Variants in ZNF385B observed in about 807,000 individuals in gnomAD.
ZNF385B encodes the protein zinc finger protein 385B.
A neutral mutation model predicts 39.2 loss-of-function variants in ZNF385B; 23 were observed. That is an observed-to-expected ratio of 0.59 (90% CI 0.42 to 0.83). The LOEUF (loss-of-function observed/expected upper bound fraction) is 0.83, where lower values mean the gene tolerates loss of function less well. Ranked by LOEUF, ZNF385B falls within the 40% of genes least tolerant of loss-of-function variation. The pLI, the probability that ZNF385B is intolerant of heterozygous loss-of-function variation, is 0.00. For missense variants in ZNF385B, 552 were observed against 598.9 expected (o/e 0.92, Z 0.82); for synonymous variants, 205 against 222.6 (o/e 0.92, Z 0.70).
intron 3 of ZNF385B, among the ~76,000 whole-genome samples, chr2:179,721,671 C>T (rs1030537957): frequency 1.3e-5 from 2 of 151,148 alleles, no homozygotes; most frequent in East Asian, 1.9e-4. Context: ...TAATAAAATG[C>T]AATATTTTTT....
intron 4 of ZNF385B, among the ~76,000 whole-genome samples, chr2:179,537,714 C>G (rs1039178180): frequency 6.7e-6 from 1 of 150,176 alleles, no homozygotes; most frequent in Non-Finnish European, 1.5e-5. Flanking sequence ...GCATGCTAGC[C>G]TAGGTGACAG....
chr2:179,736,323 T>C (rs1447404700), intron 3 of ZNF385B, among the ~76,000 whole-genome samples: 1 of 152,202 alleles, frequency 6.6e-6, no homozygotes, highest in African/African-American at 2.4e-5. Flanking sequence ...TTTTTTTCTC[T>C]ATCAATTTTG....
intron 3 of ZNF385B, among the ~76,000 whole-genome samples, chr2:179,617,665 A>C (rs1689865339): frequency 6.6e-6 from 1 of 152,144 alleles, no homozygotes; most frequent in Non-Finnish European, 1.5e-5. Flanking sequence ...ACAAGTCCTC[A>C]TGTGGTACTG....
rs914502136 is a variant in ZNF385B at position 179,443,123 on chromosome 2, T to C, written c.*127A>G. On this transcript the variant is annotated 3_prime_UTR_variant, in exon 10 of 10. Coordinates refer to ENST00000410066, the MANE Select transcript of ZNF385B (RefSeq NM_152520.6). ...GTGTTTCTCTCTGGAATTGGGGGAC[T>C]GGGTGGTGGGCTGCATTTTGTGGGT... The C allele has an allele frequency of 7.1e-6, 7 of 986,888 alleles. No homozygotes were observed. Among genetic ancestry groups the C allele is most frequent in the South Asian group, 5.6e-5 (4 of 72,056 alleles). The allele number at this position is 986,888 out of a possible 1,614,324, so 61.1% of individuals were successfully genotyped here. A position where few individuals can be genotyped will look rare whatever the true frequency, so the allele number is the denominator to read the frequency against.
intron 3 of ZNF385B, among the ~76,000 whole-genome samples, chr2:179,727,748 TC>T (rs1163694935): frequency 1.2e-4 from 19 of 152,032 alleles, no homozygotes; most frequent in African/African-American, 3.6e-4. Context: ...CACACCTAAA[TC>T]CTATGTATTT....
chr2:179,558,983 GA>G (rs1363608400), intron 3 of ZNF385B, among the ~76,000 whole-genome samples: 1 of 152,090 alleles, frequency 6.6e-6, no homozygotes, highest in Admixed American at 6.5e-5. Flanking sequence ...GCTACAATGG[GA>G]AAAAATGGTG....
chr2:179,658,469 C>A (rs1393518576), intron 3 of ZNF385B, among the ~76,000 whole-genome samples: 1 of 152,188 alleles, frequency 6.6e-6, no homozygotes, highest in Admixed American at 6.5e-5. Context: ...TTTAAGAAAT[C>A]ATTTCATACA....
intron 1 of ZNF385B, among the ~76,000 whole-genome samples, chr2:179,815,955 T>G (rs1018056512): frequency 2.6e-5 from 4 of 152,044 alleles, no homozygotes; most frequent in African/African-American, 7.2e-5. Flanking sequence ...GGTGATCTCA[T>G]TCAGGCTCTT....
chr2:179,471,722 T>C (rs879313969), intron 6 of ZNF385B, among the ~76,000 whole-genome samples: 1 of 152,226 alleles, frequency 6.6e-6, no homozygotes, highest in Non-Finnish European at 1.5e-5. Context: ...ACAATTGGAT[T>C]TCAATAGAAT....
chr2:179,449,346 A>C (rs2049840273), intron 6 of ZNF385B, among the ~76,000 whole-genome samples: 1 of 152,144 alleles, frequency 6.6e-6, no homozygotes, highest in Non-Finnish European at 1.5e-5. Flanking sequence ...AAAATGAGTG[A>C]GAAGGCCATC....
At chr2:179,449,930 C>T in intron 6 of ZNF385B, among the ~76,000 whole-genome samples, 1 of 150,914 alleles carries the variant, frequency 6.6e-6, no homozygotes, top group Non-Finnish European at 1.5e-5. Context: ...CAGAACAGAG[C>T]CCTCAGAAAT....
intron 5 of ZNF385B, among the ~76,000 whole-genome samples, chr2:179,484,316 CTTGAA>C (rs1371321692): frequency 2.0e-5 from 3 of 151,264 alleles, no homozygotes; most frequent in Non-Finnish European, 4.4e-5. Flanking sequence ...AATATATTCA[CTTGAA>C]TTGAATTTTG....
At chr2:179,512,503 G>T (rs2057757498) in intron 5 of ZNF385B, among the ~76,000 whole-genome samples, 2 of 152,176 alleles carry the variant, frequency 1.3e-5, no homozygotes, top group African/African-American at 4.8e-5. Context: ...AAAATTTTCT[G>T]AAGTGTATGT....
chr2:179,459,503 C>G (rs4427986), intron 6 of ZNF385B, among the ~76,000 whole-genome samples: 18,132 of 151,784 alleles, frequency 0.12, 1,430 homozygotes, highest in East Asian at 0.33. Context: ...GTGCTATATA[C>G]TATATCAGGC....
At chr2:179,741,283 T>G (rs1034369787) in intron 3 of ZNF385B, among the ~76,000 whole-genome samples, 2 of 152,200 alleles carry the variant, frequency 1.3e-5, no homozygotes, top group African/African-American at 4.8e-5. Flanking sequence ...TCTGTTATAG[T>G]ACATGTGGTT....
intron 3 of ZNF385B, among the ~76,000 whole-genome samples, chr2:179,694,885 G>A (rs1698607418): frequency 6.6e-6 from 1 of 151,890 alleles, no homozygotes. Flanking sequence ...AGCCGAGATT[G>A]CACCACTGCA....
intron 5 of ZNF385B, among the ~76,000 whole-genome samples, chr2:179,510,938 G>A (rs146121020): frequency 6.6e-6 from 1 of 152,272 alleles, no homozygotes; most frequent in East Asian, 1.9e-4. Context: ...AATCCCCTAG[G>A]AGAATGTTAC....
chr2:179,831,115 T>A (rs1056987922), intron 1 of ZNF385B, among the ~76,000 whole-genome samples: 3 of 152,186 alleles, frequency 2.0e-5, no homozygotes, highest in Non-Finnish European at 4.4e-5. Flanking sequence ...ACAGAGAAGT[T>A]GCACATGAAT....
chr2:179,467,742 C>G (rs1234252731), intron 6 of ZNF385B, among the ~76,000 whole-genome samples: 3 of 151,792 alleles, frequency 2.0e-5, no homozygotes, highest in Non-Finnish European at 4.4e-5. Context: ...TAGACTAATC[C>G]TGAAAGCAGG....
Sources: gnomAD v4.1 joint callset for allele counts (sites outside exome capture counted in the v4.1 genomes callset) on GRCh38, gnomAD v4.1.1 for gene constraint, MANE v1.5 for transcripts, NCBI Gene and HGNC (gene_info 2026-07-23, HGNC 2026-07-21) for gene names.